Variants in FNIP1 observed in about 807,000 individuals in gnomAD.
The protein encoded by FNIP1 is folliculin interacting protein 1.
In FNIP1, 40 loss-of-function variants were observed where a neutral mutation model predicts 124.5. That is an observed-to-expected ratio of 0.32 (90% CI 0.25 to 0.42). The LOEUF is 0.42. FNIP1 is among the 10% of genes least tolerant of loss of function. The pLI, the probability that FNIP1 is intolerant of heterozygous loss-of-function variation, is 1.00. For missense variants in FNIP1, 1,176 were observed against 1,403.7 expected (o/e 0.84, Z 2.59); for synonymous variants, 472 against 470.6 (o/e 1.00, Z -0.04).
chr5:131,742,984 G>A (rs1399210761), intron 2 of FNIP1, among the ~76,000 whole-genome samples: 1 of 152,124 alleles, frequency 6.6e-6, no homozygotes, highest in Non-Finnish European at 1.5e-5. Flanking sequence ...AAATAAAGGT[G>A]AGTAACAGGA....
intron 1 of FNIP1, among the ~76,000 whole-genome samples, chr5:131,785,923 T>C (rs1442924035): frequency 1.3e-5 from 2 of 152,190 alleles, no homozygotes; most frequent in African/African-American, 2.4e-5. Flanking sequence ...TTTTATATTC[T>C]AAAGTAACTA....
intron 6 of FNIP1, among the ~76,000 whole-genome samples, chr5:131,712,255 T>C (rs566072918): frequency 2.0e-5 from 3 of 152,340 alleles, no homozygotes; most frequent in African/African-American, 7.2e-5. Context: ...AAAAACCTCC[T>C]TCTATCAATT....
In FNIP1 at chr5:131,706,501, G is replaced by T; in HGVS notation, c.824C>A (p.Ser275Tyr). ...LLITPFPSPN[S>Y]SLTRSCASSY... is the part of the protein sequence containing the mutation. ...GCTGGCACAACTTCGGGTAAGTGAGGAGTTTGGGGAAGGAAATGGAGTGAT... is the reference window on the plus strand; with the variant it reads ...GCTGGCACAACTTCGGGTAAGTGAGTAGTTTGGGGAAGGAAATGGAGTGAT... Residue 275 changes from serine (S) to tyrosine (Y), a missense_variant, in exon 9 of 18, where the codon TCC (serine) becomes TAC (tyrosine). By Grantham distance (144) the Ser-to-Tyr change is moderately radical (BLOSUM62 -2). This residue lies in a region of FNIP1 where 1,109 missense variants were observed against 1,288.5 expected (regional missense o/e 0.86). Transcript: ENST00000510461. The T allele has an allele frequency of 6.2e-7, 1 of 1,613,498 alleles. No homozygotes were observed.
At chr5:131,772,867 C>A (rs1043853135) in intron 1 of FNIP1, among the ~76,000 whole-genome samples, 1 of 152,202 alleles carries the variant, frequency 6.6e-6, no homozygotes, top group African/African-American at 2.4e-5. Flanking sequence ...ATTTTTCTGT[C>A]ATGACATCAA....
At chr5:131,712,800 A>G (rs1769339863) in intron 6 of FNIP1, among the ~76,000 whole-genome samples, 1 of 152,218 alleles carries the variant, frequency 6.6e-6, no homozygotes, top group Non-Finnish European at 1.5e-5. Context: ...CCTAAAACCA[A>G]AAAGTTTGAG....
At chr5:131,719,447 T>C (rs1769582664) in intron 3 of FNIP1, 30 bp from the exon 4 acceptor site, 1 of 1,557,296 alleles carries the variant, frequency 6.4e-7, no homozygotes, top group South Asian at 1.2e-5. Context: ...TAACAAACTG[T>C]GTTAATTAAA....
intron 1 of FNIP1, among the ~76,000 whole-genome samples, chr5:131,765,960 A>C (rs1368515013): frequency 6.6e-6 from 1 of 152,146 alleles, no homozygotes; most frequent in Non-Finnish European, 1.5e-5. Context: ...GCTGTTTCAG[A>C]AAACATTCTT....
intron 1 of FNIP1, among the ~76,000 whole-genome samples, chr5:131,765,222 CG>C (rs888830763): frequency 6.7e-6 from 1 of 149,994 alleles, no homozygotes; most frequent in Non-Finnish European, 1.5e-5. Context: ...ACCTTGTCTG[CG>C]GGGGAAAAAA....
intron 15 of FNIP1, among the ~76,000 whole-genome samples, chr5:131,653,003 C>CTTAT (rs1767085306): frequency 6.6e-6 from 1 of 152,150 alleles, no homozygotes; most frequent in Admixed American, 6.5e-5. Context: ...AGAAACAAGA[C>CTTAT]TTATTCACAC....
chr5:131,652,794 T>C lies in FNIP1; in HGVS notation c.3109-795A>G, dbSNP rs897479494. On this transcript the variant is annotated intron_variant, in intron 15 of 17. Transcript: ENST00000510461. ...CTGAGCAACATAGCCAGACCTCGTCTCTACAAAAAAATCTAAAAAATCAGC... is the reference window on the plus strand; with the variant it reads ...CTGAGCAACATAGCCAGACCTCGTCCCTACAAAAAAATCTAAAAAATCAGC... Among the ~76,000 whole-genome samples, 3 of 152,084 alleles carry C rather than the reference T, an allele frequency of 2.0e-5. 1 individual carries two copies. The highest frequency in any genetic ancestry group is 1.9e-4 in the East Asian group (1 of 5,176).
intron 12 of FNIP1, 107 bp from the exon 13 acceptor site, chr5:131,677,979 A>C: frequency 9.5e-7 from 1 of 1,054,678 alleles, no homozygotes; most frequent in Non-Finnish European, 1.3e-6. Flanking sequence ...ATGTGGCCAA[A>C]TGGCACCAAA....
intron 1 of FNIP1, among the ~76,000 whole-genome samples, chr5:131,753,239 T>C (rs898787387): frequency 3.9e-5 from 6 of 152,222 alleles, no homozygotes; most frequent in African/African-American, 1.2e-4. Context: ...TTTTGGAATA[T>C]TGCTTGACAG....
intron 6 of FNIP1, among the ~76,000 whole-genome samples, chr5:131,713,188 C>T (rs976096001): frequency 2.0e-5 from 3 of 152,006 alleles, no homozygotes; most frequent in Non-Finnish European, 2.9e-5. Context: ...GGACTACAGG[C>T]GCCCGCCACC....
At chr5:131,739,925 A>C (rs746213712) in intron 2 of FNIP1, among the ~76,000 whole-genome samples, 4 of 151,534 alleles carry the variant, frequency 2.6e-5, no homozygotes, top group Non-Finnish European at 4.4e-5. Context: ...TCAGTTTTCC[A>C]ACCAATCATT....
At chr5:131,793,919 T>C (rs1772490827) in intron 1 of FNIP1, among the ~76,000 whole-genome samples, 1 of 152,110 alleles carries the variant, frequency 6.6e-6, no homozygotes, top group Non-Finnish European at 1.5e-5. Context: ...AATGTTAGTC[T>C]ACTCAAAAAC....
rs189862331 is a variant in FNIP1, at chr5:131,742,340, T to C, written c.219+2224A>G. Among the ~76,000 whole-genome samples, 510 of 152,284 alleles carry C rather than the reference T, an allele frequency of 3.3e-3. 4 individuals are homozygous for C. Among genetic ancestry groups the C allele is most frequent in the African/African-American group, 0.012 (483 of 41,566 alleles). ...TTACCCAGGTGTGGTGGTGCACACC[T>C]GTAATCCCAGCTACTCGCAAGGCTG... On this transcript the variant is annotated intron_variant, in intron 2 of 17. Coordinates refer to ENST00000510461, the MANE Select transcript of FNIP1 (RefSeq NM_133372.3).
At chr5:131,662,205 T>C (rs1013666191) in intron 15 of FNIP1, among the ~76,000 whole-genome samples, 1 of 152,192 alleles carries the variant, frequency 6.6e-6, no homozygotes, top group African/African-American at 2.4e-5. Context: ...AGGGCATTTG[T>C]CATCTTTTGC....
At chr5:131,793,839 A>G (rs1248453870) in intron 1 of FNIP1, among the ~76,000 whole-genome samples, 1 of 152,216 alleles carries the variant, frequency 6.6e-6, no homozygotes, top group Non-Finnish European at 1.5e-5. Context: ...ATTTAGGCTG[A>G]CTAGAACAAA....
intron 15 of FNIP1, among the ~76,000 whole-genome samples, chr5:131,665,123 C>T (rs1307600911): frequency 6.6e-6 from 1 of 152,022 alleles, no homozygotes; most frequent in South Asian, 2.1e-4. Context: ...CTAATATCAC[C>T]ACACAGTGTA....
Sources: gnomAD v4.1 joint callset for allele counts (sites outside exome capture counted in the v4.1 genomes callset) on GRCh38, gnomAD v4.1.1 for gene constraint, gnomAD v4.1.1 regional missense constraint, MANE v1.5 for transcripts, NCBI Gene and HGNC (gene_info 2026-07-23, HGNC 2026-07-21) for gene names.